Variants in MUC7 observed in about 807,000 individuals in gnomAD.
MUC7 encodes mucin 7, secreted.
MUC7 carries 2 observed loss-of-function variants against 2.5 expected under a neutral mutation model. That is an observed-to-expected ratio of 0.81 (90% CI 0.33 to 2.55). MUC7 has a LOEUF of 2.55. MUC7 is among the 30% of genes most tolerant of loss of function. MUC7 has a pLI of 0.11. For missense variants in MUC7, 408 were observed against 455.6 expected (o/e 0.90, Z 0.95); for synonymous variants, 133 against 173.4 (o/e 0.77, Z 1.83).
At chr4:70,459,805 C>A (rs986334815) in intron 1 of MUC7, among the ~76,000 whole-genome samples, 2 of 152,086 alleles carry the variant, frequency 1.3e-5, no homozygotes, top group Non-Finnish European at 2.9e-5. Flanking sequence ...TCCAGGGAGC[C>A]TGGATGTTAT....
intron 1 of MUC7, among the ~76,000 whole-genome samples, chr4:70,449,110 C>G (rs1372524911): frequency 6.6e-6 from 1 of 152,154 alleles, no homozygotes; most frequent in Non-Finnish European, 1.5e-5. Flanking sequence ...CAGGGTAATA[C>G]TGACCTCATA....
At chr4:70,480,092 T>G (rs1172990797) in intron 2 of MUC7, among the ~76,000 whole-genome samples, 1 of 152,200 alleles carries the variant, frequency 6.6e-6, no homozygotes, top group Admixed American at 6.5e-5. Context: ...TCAGAAATCA[T>G]GAAAACCATT....
chr4:70,474,703 T>A (rs1453929627), intron 2 of MUC7, among the ~76,000 whole-genome samples: 2 of 152,128 alleles, frequency 1.3e-5, no homozygotes, highest in Non-Finnish European at 2.9e-5. Flanking sequence ...GTAAGGCCTT[T>A]AGGTCTTGGT....
chr4:70,463,820 T>C (rs901011302), intron 1 of MUC7, among the ~76,000 whole-genome samples: 46 of 152,208 alleles, frequency 3.0e-4, no homozygotes, highest in African/African-American at 9.9e-4. Context: ...AATTAGACTG[T>C]GTCCTCGCCA....
chr4:70,455,545 C>A (rs1042236447), intron 1 of MUC7, among the ~76,000 whole-genome samples: 1 of 152,144 alleles, frequency 6.6e-6, no homozygotes, highest in Non-Finnish European at 1.5e-5. Context: ...TCAGTGTGAG[C>A]TGTTGAGTGC....
chr4:70,481,675 C>A lies in MUC7; in HGVS notation c.931C>A (p.Pro311Thr). The A allele has an allele frequency of 1.2e-6, 2 of 1,614,136 alleles. No homozygotes were observed. The highest frequency in any genetic ancestry group is 1.7e-6 in the Non-Finnish European group (2 of 1,180,016). ...QETTAAPITT[P>T]NSSPTTLAPD... ...GACCACAGCTGCCCCAATTACCACA[C>A]CTAATTCTTCCCCAACTACTCTTGC... The change falls in exon 3 of 3, where the codon CCT becomes ACT. Residue 311 changes from proline (P) to threonine (T), a missense_variant. Pro to Thr is a conservative substitution (Grantham distance 38, BLOSUM62 -1). This residue lies in a region of MUC7 where 175 missense variants were observed against 187.1 expected (regional missense o/e 0.94). Transcript: ENST00000304887.
chr4:70,453,194 G>T (rs1245854768), intron 1 of MUC7, among the ~76,000 whole-genome samples: 7 of 152,180 alleles, frequency 4.6e-5, no homozygotes. Context: ...AGCCAGCCAG[G>T]TCTGTATTCT....
At chr4:70,466,166 A>G (rs1173818978) in intron 1 of MUC7, among the ~76,000 whole-genome samples, 2 of 152,210 alleles carry the variant, frequency 1.3e-5, no homozygotes, top group Non-Finnish European at 2.9e-5. Context: ...ACTAAGCTTC[A>G]TAAGTGAAGG....
intron 1 of MUC7, among the ~76,000 whole-genome samples, chr4:70,452,388 C>A (rs1734300689): frequency 6.6e-6 from 1 of 151,990 alleles, no homozygotes; most frequent in Non-Finnish European, 1.5e-5. Context: ...GGTATGTTTT[C>A]ATTTCTTGCT....
chr4:70,473,222 C>T (rs2109739656), intron 1 of MUC7, among the ~76,000 whole-genome samples: 1 of 152,140 alleles, frequency 6.6e-6, no homozygotes, highest in Non-Finnish European at 1.5e-5. Flanking sequence ...ATTGCTTGAG[C>T]CCAGGAGTTC....
upstream of MUC7, among the ~76,000 whole-genome samples, chr4:70,470,133 C>G (rs1235689016): frequency 1.3e-5 from 2 of 152,180 alleles, no homozygotes; most frequent in South Asian, 4.1e-4. Flanking sequence ...TGGAAACCAT[C>G]ATTCTCAGCA....
chr4:70,469,342 C>T (rs893253106), upstream of MUC7, among the ~76,000 whole-genome samples: 3 of 152,146 alleles, frequency 2.0e-5, no homozygotes, highest in East Asian at 3.8e-4. Flanking sequence ...AGGACACAGG[C>T]ATGGGCAATG....
upstream of MUC7, among the ~76,000 whole-genome samples, chr4:70,468,669 G>C (rs1734742782): frequency 6.6e-6 from 1 of 152,112 alleles, no homozygotes; most frequent in Non-Finnish European, 1.5e-5. Flanking sequence ...GCTACAAAGA[G>C]AATAAAATAC....
At chr4:70,472,485 T>C (rs1216685393) in intron 1 of MUC7, among the ~76,000 whole-genome samples, 194 bp downstream of exon 1, 1 of 152,202 alleles carries the variant, frequency 6.6e-6, no homozygotes, top group Non-Finnish European at 1.5e-5. Flanking sequence ...TTTTTGGTCT[T>C]GAAATTTAAA....
At chr4:70,440,002 GTTA>G (rs778735815) in intron 1 of MUC7, among the ~76,000 whole-genome samples, 70 of 152,070 alleles carry the variant, frequency 4.6e-4, no homozygotes, top group South Asian at 1.2e-3. Flanking sequence ...ATCAGCATTA[GTTA>G]TTATTATTCA....
In MUC7 at chr4:70,458,825, C is replaced by T. The variant is rs570859685; in HGVS notation, c.-92-13390C>T. Reference sequence around the variant, plus strand: ...GAAACATGATTATAAGAAAAACAGACAAAGTTATTAACAGAAAAAAAGAAA... The same window carrying T: ...GAAACATGATTATAAGAAAAACAGATAAAGTTATTAACAGAAAAAAAGAAA... On this transcript the variant is annotated intron_variant, in intron 1 of 3. Coordinates refer to the MUC7 transcript ENST00000413702. Among the ~76,000 whole-genome samples, 5 of 151,542 alleles carry T rather than the reference C, an allele frequency of 3.3e-5. No individual in the cohort carries two copies. The South Asian group carries it at 8.3e-4, about 25-fold the overall frequency.
intron 1 of MUC7, among the ~76,000 whole-genome samples, chr4:70,459,349 A>G (rs1734493321): frequency 6.6e-6 from 1 of 152,154 alleles, no homozygotes; most frequent in Non-Finnish European, 1.5e-5. Flanking sequence ...CAAACACCGC[A>G]TGTTCTCACT....
chr4:70,466,293 C>T (rs1734680852), intron 1 of MUC7, among the ~76,000 whole-genome samples: 1 of 152,170 alleles, frequency 6.6e-6, no homozygotes, highest in Non-Finnish European at 1.5e-5. Flanking sequence ...CAGTACCAGC[C>T]ACTGCAAAAA....
chr4:70,462,696 G>T (rs375651071), intron 1 of MUC7, among the ~76,000 whole-genome samples: 19 of 152,254 alleles, frequency 1.2e-4, no homozygotes, highest in Admixed American at 3.9e-4. Context: ...CACTCTGCCT[G>T]GTGCAATGGC....
Sources: allele counts gnomAD v4.1 joint callset (sites outside exome capture counted in the v4.1 genomes callset), GRCh38; gene constraint gnomAD v4.1.1; regional missense constraint gnomAD v4.1.1; transcripts MANE v1.5; gene names NCBI Gene and HGNC (gene_info 2026-07-23, HGNC 2026-07-21).